The following IGSF5 variants were observed in gnomAD, a reference collection of about 807,000 sequenced individuals.
IGSF5 encodes the protein immunoglobulin superfamily 5 like.
A neutral mutation model predicts 39.4 loss-of-function variants in IGSF5; 41 were observed. That is an observed-to-expected ratio of 1.04 (90% confidence interval 0.81 to 1.35). The LOEUF is 1.35. Ranked by LOEUF, IGSF5 falls within the 40% of genes most tolerant of loss-of-function variation. The pLI is 0.00. For missense variants in IGSF5, 487 were observed against 494.6 expected (o/e 0.98, Z 0.15); for synonymous variants, 183 against 175.3 (o/e 1.04, Z -0.34).
intron 4 of IGSF5, among the ~76,000 whole-genome samples, chr21:39,778,220 A>G (rs781282937): frequency 1.3e-5 from 2 of 152,202 alleles, no homozygotes; most frequent in Non-Finnish European, 2.9e-5. Flanking sequence ...AACGTTCTAC[A>G]TCTGTGGTGA....
At chr21:39,785,907 T>C (rs1245683865) in intron 5 of IGSF5, among the ~76,000 whole-genome samples, 2 of 152,292 alleles carry the variant, frequency 1.3e-5, no homozygotes, top group Admixed American at 6.5e-5. Context: ...TAGCCATATA[T>C]AGAAAGCTGA....
chr21:39,786,107 G>C (rs558342355), intron 5 of IGSF5, among the ~76,000 whole-genome samples: 1 of 151,804 alleles, frequency 6.6e-6, no homozygotes, highest in African/African-American at 2.4e-5. Context: ...ATTGACAAAT[G>C]GGATCTAATT....
chr21:39,724,302 C>T, the IGSF5 span, among the ~76,000 whole-genome samples: 2 of 152,066 alleles, frequency 1.3e-5, no homozygotes, highest in African/African-American at 4.8e-5. Context: ...GAGGTGTAGA[C>T]ATTTGACTAA....
At chr21:39,787,187 C>T (rs527914138) in intron 5 of IGSF5, among the ~76,000 whole-genome samples, 4 of 152,260 alleles carry the variant, frequency 2.6e-5, no homozygotes, top group Admixed American at 1.3e-4. Context: ...ACTGTGCTTA[C>T]GCTGGTGGCG....
At chr21:39,773,512 A>G (rs891290333) in intron 4 of IGSF5, among the ~76,000 whole-genome samples, 1 of 147,362 alleles carries the variant, frequency 6.8e-6, no homozygotes, top group Non-Finnish European at 1.5e-5. Context: ...TAGGGACTCA[A>G]TTTTGTCCAA....
intron 2 of IGSF5, among the ~76,000 whole-genome samples, chr21:39,761,538 T>C (rs2080061674): frequency 6.6e-6 from 1 of 152,154 alleles, no homozygotes; most frequent in Non-Finnish European, 1.5e-5. Flanking sequence ...ATATCCAGAA[T>C]CTGCAAGGAA....
At chr21:39,712,146 A>AG in the IGSF5 span, among the ~76,000 whole-genome samples, 2 of 151,960 alleles carry the variant, frequency 1.3e-5, no homozygotes, top group African/African-American at 4.8e-5. Context: ...TATTGATTTC[A>AG]AGAGAATATT....
the IGSF5 span, among the ~76,000 whole-genome samples, chr21:39,735,596 A>G: frequency 7.9e-5 from 12 of 152,244 alleles, no homozygotes; most frequent in African/African-American, 2.7e-4. Context: ...TTTAAAAAAG[A>G]TAACATCATG....
chr21:39,777,487 A>C (rs1471762882), intron 4 of IGSF5, among the ~76,000 whole-genome samples: 2 of 152,156 alleles, frequency 1.3e-5, no homozygotes, highest in African/African-American at 2.4e-5. Context: ...TGCTCTCTGC[A>C]TGTGAAGGGT....
chr21:39,764,931 G>A (rs889371548), intron 2 of IGSF5, among the ~76,000 whole-genome samples: 2 of 152,222 alleles, frequency 1.3e-5, no homozygotes, highest in African/African-American at 2.4e-5. Flanking sequence ...CCCCACTGCT[G>A]TGAATGCAAA....
intron 8 of IGSF5, among the ~76,000 whole-genome samples, chr21:39,799,609 A>G (rs2087017462): frequency 6.6e-6 from 1 of 151,924 alleles, no homozygotes; most frequent in Non-Finnish European, 1.5e-5. Context: ...CTGTGCATTT[A>G]GAATTACTTG....
rs760448639 is a variant in IGSF5 at position 39,765,641 on chromosome 21, C to G, written c.207C>G (p.Ile69Met). Residue 69 changes from isoleucine to methionine, a missense_variant, in exon 3 of 9, where the codon ATC becomes ATG. Ile to Met is a conservative substitution (Grantham distance 10). Coordinates refer to ENST00000380588, the MANE Select transcript of IGSF5 (RefSeq NM_001080444.2). ...CCGTCTCCCAGGGCTGGAAGCTCAT[C>G]ATGTGGGCTCTCAGTGACATGGTGG... ...NCTVSQGWKL[I>M]MWALSDMVVL... The G allele has an allele frequency of 3.1e-6, 5 of 1,614,028 alleles. No homozygotes were observed. The highest frequency in any genetic ancestry group is 3.3e-5 in the Admixed American group (2 of 59,998).
chr21:39,732,973 C>T, the IGSF5 span, among the ~76,000 whole-genome samples: 1 of 151,874 alleles, frequency 6.6e-6, no homozygotes, highest in Non-Finnish European at 1.5e-5. Context: ...CTGCAGTGAA[C>T]CATGATCACA....
intron 8 of IGSF5, among the ~76,000 whole-genome samples, chr21:39,796,989 C>T (rs759564532): frequency 1.3e-5 from 2 of 152,194 alleles, no homozygotes; most frequent in African/African-American, 2.4e-5. Flanking sequence ...GCTCTCTGCT[C>T]ATGCTGCATC....
intron 3 of IGSF5, among the ~76,000 whole-genome samples, chr21:39,766,676 A>G (rs1014326452): frequency 6.6e-6 from 1 of 152,196 alleles, no homozygotes; most frequent in East Asian, 1.9e-4. Flanking sequence ...GTTACACAGT[A>G]AAAAAGTAAA....
the IGSF5 span, among the ~76,000 whole-genome samples, chr21:39,719,485 C>T: frequency 6.6e-6 from 1 of 152,124 alleles, no homozygotes; most frequent in African/African-American, 2.4e-5. Flanking sequence ...TTGGAGGCTT[C>T]CTCTGGATCA....
chr21:39,795,578 T>A (rs1466014434), intron 8 of IGSF5, among the ~76,000 whole-genome samples: 1 of 151,322 alleles, frequency 6.6e-6, no homozygotes, highest in Non-Finnish European at 1.5e-5. Context: ...GAATGTGAGG[T>A]GCATTTGGAT....
chr21:39,718,314 T>C, the IGSF5 span, among the ~76,000 whole-genome samples: 1 of 152,214 alleles, frequency 6.6e-6, no homozygotes, highest in Non-Finnish European at 1.5e-5. Context: ...TTTGACTTCC[T>C]CTCTTCCTAT....
chr21:39,723,245 C>T, the IGSF5 span, among the ~76,000 whole-genome samples: 1 of 152,198 alleles, frequency 6.6e-6, no homozygotes, highest in Non-Finnish European at 1.5e-5. Context: ...GCCTTTATTT[C>T]TTGCAGGCTG....
Sources: gnomAD v4.1 joint callset for allele counts (sites outside exome capture counted in the v4.1 genomes callset) on GRCh38, gnomAD v4.1.1 for gene constraint, MANE v1.5 for transcripts, NCBI Gene and HGNC (gene_info 2026-07-23, HGNC 2026-07-21) for gene names.